Variants in FGF14 observed in about 807,000 individuals in gnomAD.
FGF14 encodes the protein fibroblast growth factor 14.
A neutral mutation model predicts 25.5 loss-of-function variants in FGF14; 5 were observed. The observed-to-expected ratio is 0.20, with a 90% CI of 0.10 to 0.41. FGF14 has a LOEUF of 0.41. Among genes scored for constraint, FGF14 ranks in the 10% least tolerant of loss-of-function variants. The pLI is 1.00. For missense variants in FGF14, 222 were observed against 320.1 expected (o/e 0.69, Z 2.34); for synonymous variants, 138 against 118.3 (o/e 1.17, Z -1.08).
chr13:101,714,680 G>A lies in FGF14; in HGVS notation c.*8151C>T, dbSNP rs1594008864. 14 of 641,916 alleles carry A rather than the reference G, an allele frequency of 2.2e-5. No homozygotes were observed. The allele number at this position is 641,916 out of a possible 1,614,324, so 39.8% of individuals were successfully genotyped here. On this transcript the variant is annotated 3_prime_UTR_variant, in exon 5 of 5. Coordinates refer to ENST00000376143, the MANE Select transcript of FGF14 (RefSeq NM_004115.4). ...CGTGAATATGAAATATCTACCAAAG[G>A]CGAAGTGGGCATTTGGGAAAAAGCC...
intron 1 of FGF14, among the ~76,000 whole-genome samples, chr13:102,298,639 A>T (rs1007970016): frequency 1.3e-5 from 2 of 152,022 alleles, no homozygotes; most frequent in African/African-American, 4.8e-5. Flanking sequence ...CACTTCTGTC[A>T]CCTTTTTTTC....
chr13:101,962,358 T>C (rs572005112), intron 1 of FGF14, among the ~76,000 whole-genome samples: 3 of 151,942 alleles, frequency 2.0e-5, no homozygotes, highest in East Asian at 3.9e-4. Flanking sequence ...GACTCTCTGT[T>C]TGTCTGTTGT....
intron 1 of FGF14, among the ~76,000 whole-genome samples, chr13:102,209,569 G>C (rs892787130): frequency 6.6e-6 from 1 of 152,202 alleles, no homozygotes; most frequent in African/African-American, 2.4e-5. Context: ...CTTTGGCTGA[G>C]AGCATGAGAG....
At chr13:101,973,719 A>C (rs547792328) in intron 1 of FGF14, among the ~76,000 whole-genome samples, 2 of 152,270 alleles carry the variant, frequency 1.3e-5, no homozygotes, top group South Asian at 4.1e-4. Context: ...GCAGCTGATG[A>C]GATGGTGCCC....
chr13:102,323,971 G>A (rs1052779979), intron 1 of FGF14, among the ~76,000 whole-genome samples: 9 of 148,438 alleles, frequency 6.1e-5, no homozygotes, highest in African/African-American at 2.3e-4. Flanking sequence ...GTGTGTGTGT[G>A]TGTGTGTGTG....
chr13:102,324,620 G>A (rs766183832), intron 1 of FGF14, among the ~76,000 whole-genome samples: 4 of 152,202 alleles, frequency 2.6e-5, no homozygotes, highest in African/African-American at 4.8e-5. Context: ...CTCAAAAAAC[G>A]TCAGTTCATG....
At chr13:102,162,797 T>C (rs1487697138) in intron 1 of FGF14, among the ~76,000 whole-genome samples, 1 of 152,172 alleles carries the variant, frequency 6.6e-6, no homozygotes, top group Admixed American at 6.6e-5. Flanking sequence ...CAGCCTTGTG[T>C]TGAAATGAGC....
At chr13:102,178,735 G>T (rs2048546343) in intron 1 of FGF14, among the ~76,000 whole-genome samples, 1 of 151,944 alleles carries the variant, frequency 6.6e-6, no homozygotes, top group South Asian at 2.1e-4. Flanking sequence ...CTTTTTTGTG[G>T]CTGAGTAGTA....
chr13:101,916,846 C>A lies in FGF14; in HGVS notation c.-201G>T, dbSNP rs945422611. ...TCTCCGCGGGGCGCGGGGCCAGGCG[C>A]GCAGATGCGCCCAGGGCGCAGCCGG... On this transcript the variant is annotated 5_prime_UTR_variant, in exon 1 of 5. Coordinates refer to ENST00000376143, the MANE Select transcript of FGF14 (RefSeq NM_004115.4). Among the ~76,000 whole-genome samples, 1 of 152,140 alleles carries A rather than the reference C, an allele frequency of 6.6e-6. No homozygotes were observed. Among genetic ancestry groups the A allele is most frequent in the Admixed American group, 6.5e-5 (1 of 15,280 alleles).
chr13:102,290,354 A>G (rs1242928791), intron 1 of FGF14, among the ~76,000 whole-genome samples: 1 of 152,144 alleles, frequency 6.6e-6, no homozygotes, highest in Non-Finnish European at 1.5e-5. Flanking sequence ...GTGCCTGGAT[A>G]TTGGACATCC....
At chr13:101,794,668 T>C (rs75577528) in intron 3 of FGF14, among the ~76,000 whole-genome samples, 3,868 of 152,182 alleles carry the variant, frequency 0.025, 172 homozygotes, top group East Asian at 0.2. Flanking sequence ...AATGTGTCCC[T>C]GAAACCCATG....
intron 1 of FGF14, among the ~76,000 whole-genome samples, chr13:102,161,596 AAG>A (rs1386113137): frequency 0.16 from 637 of 3,948 alleles, 69 homozygotes; most frequent in African/African-American, 0.46. Flanking sequence ...GAAGAAGAAG[AAG>A]AAGAAGAAGA....
In FGF14 at chr13:101,720,739, CT is replaced by C. The variant is rs1288990846; in HGVS notation, c.*2091del. ...GTTATCTAATATATTTTAACTGTTC[CT>C]GTTAAAAACAATAGGCTTCAAGATG... On this transcript the variant is annotated 3_prime_UTR_variant, in exon 5 of 5. Coordinates refer to ENST00000376143, the MANE Select transcript of FGF14 (RefSeq NM_004115.4). 6.7e-6 allele frequency: 1 copy of C among 148,414 alleles called. No homozygotes were observed. Among genetic ancestry groups the C allele is most frequent in the African/African-American group, 2.6e-5 (1 of 37,836 alleles). The allele number at this position is 148,414 out of a possible 1,614,324, so 9.2% of individuals were successfully genotyped here.
chr13:102,365,319 A>G (rs762129363), intron 1 of FGF14, among the ~76,000 whole-genome samples: 59 of 152,250 alleles, frequency 3.9e-4, no homozygotes, highest in Admixed American at 8.5e-4. Flanking sequence ...AGAGGAATCC[A>G]TGGAAATGGA....
At chr13:101,844,815 C>T (rs1176273829) in intron 3 of FGF14, among the ~76,000 whole-genome samples, 2 of 151,986 alleles carry the variant, frequency 1.3e-5, no homozygotes, top group Non-Finnish European at 2.9e-5. Flanking sequence ...CTTGGCAAAT[C>T]CAAAACATTT....
chr13:101,908,298 C>T lies in FGF14; in HGVS notation c.193+8155G>A, dbSNP rs368005282. 3.3e-5 allele frequency among the ~76,000 whole-genome samples: 5 copies of T among 152,280 alleles called. No individual in the cohort carries two copies. In the East Asian group the frequency reaches 9.7e-4, roughly 29 times the overall value. On this transcript the variant is annotated intron_variant, in intron 1 of 4. Coordinates refer to ENST00000376143, the MANE Select transcript of FGF14 (RefSeq NM_004115.4). ...GGGCTAAACAGTTAGCAGATCTTCT[C>T]CTAATCCCAGCCCCACTCTTCAAAG... is the stretch of plus-strand genomic sequence containing the variant.
At chr13:101,979,348 T>C (rs1594892088) in intron 1 of FGF14, among the ~76,000 whole-genome samples, 1 of 152,200 alleles carries the variant, frequency 6.6e-6, no homozygotes, top group Admixed American at 6.5e-5. Context: ...ACTATGGCTG[T>C]TTACTGACAT....
chr13:102,095,426 G>A (rs1193653141), intron 1 of FGF14, among the ~76,000 whole-genome samples: 1 of 152,046 alleles, frequency 6.6e-6, no homozygotes, highest in Non-Finnish European at 1.5e-5. Context: ...TGAGACAGGA[G>A]GCCCATGAAA....
chr13:102,242,004 A>T (rs138848905), intron 1 of FGF14, among the ~76,000 whole-genome samples: 305 of 152,290 alleles, frequency 2.0e-3, no homozygotes, highest in African/African-American at 6.7e-3. Context: ...AATGAAAGGT[A>T]CAGTGGCTTT....
Sources: allele counts gnomAD v4.1 joint callset (sites outside exome capture counted in the v4.1 genomes callset), GRCh38; gene constraint gnomAD v4.1.1; transcripts MANE v1.5; gene names NCBI Gene and HGNC (gene_info 2026-07-23, HGNC 2026-07-21).